Variants in TRIM42 observed in about 807,000 individuals in gnomAD.
TRIM42 encodes tripartite motif containing 42.
In TRIM42, 59 loss-of-function variants were observed where a neutral mutation model predicts 64.9. The observed-to-expected ratio is 0.91, with a 90% confidence interval of 0.74 to 1.13. TRIM42 has a LOEUF of 1.13. Among genes scored for constraint, TRIM42 ranks in the 50% most tolerant of loss-of-function variants. The pLI is 0.00. For synonymous variants in TRIM42, 354 were observed against 346.3 expected, an observed-to-expected ratio of 1.02 and a Z score of -0.25; for missense variants, 878 against 929.5, an observed-to-expected ratio of 0.94 and a Z score of 0.72.
intron 2 of TRIM42, among the ~76,000 whole-genome samples, chr3:140,685,383 C>T (rs1186772129): frequency 1.3e-5 from 2 of 152,132 alleles, no homozygotes; most frequent in South Asian, 2.1e-4. Context: ...CAGCCAAGGT[C>T]GAGAACCACT....
At chr3:140,679,015 T>A (rs1256294866) in intron 1 of TRIM42, among the ~76,000 whole-genome samples, 1 of 151,716 alleles carries the variant, frequency 6.6e-6, no homozygotes, top group Admixed American at 6.6e-5. Flanking sequence ...AAATTTGGGA[T>A]CTTAACTTTA....
chr3:140,697,772 C>T (rs572881938), intron 4 of TRIM42, among the ~76,000 whole-genome samples: 1 of 152,356 alleles, frequency 6.6e-6, no homozygotes, highest in African/African-American at 2.4e-5. Flanking sequence ...CAAGCTCCGC[C>T]TCCTGGGTTC....
At position 140,687,706 on chromosome 3, in the gene TRIM42, C is replaced by T. The variant is rs76809153; in HGVS notation, c.1040-16C>T. 2,237 of 1,581,508 alleles carry T rather than the reference C, an allele frequency of 1.4e-3. 29 individuals carry two copies. The African/African-American group carries it at 0.027, about 19-fold the overall frequency. On this transcript the variant is annotated splice_polypyrimidine_tract_variant and intron_variant, in intron 2 of 4. Coordinates refer to ENST00000286349, the MANE Select transcript of TRIM42 (RefSeq NM_152616.5). ...AGATGAAAATTTTAAAAGTAACTAA[C>T]TTGGCATTTTTGCAGTCCGATATGA...
At chr3:140,690,621 G>T (rs1003900947) in intron 3 of TRIM42, among the ~76,000 whole-genome samples, 2 of 141,714 alleles carry the variant, frequency 1.4e-5, no homozygotes, top group African/African-American at 2.7e-5. Context: ...AAATTGCAAA[G>T]AAATAATAAT....
chr3:140,682,755 G>A lies in TRIM42; in HGVS notation c.635G>A (p.Gly212Glu). 6.2e-7 allele frequency: 1 copy of A among 1,613,088 alleles called. No homozygotes were observed. Among genetic ancestry groups the A allele is most frequent in the Non-Finnish European group, 8.5e-7 (1 of 1,180,028 alleles). Residue 212 changes from glycine (G) to glutamate (E), a missense_variant, in exon 2 of 5, where the codon GGG becomes GAG. Transcript: ENST00000286349. Reference protein sequence around the residue: ...KMQLPENYLHGRLTKRYMQEH... With the variant: ...KMQLPENYLHERLTKRYMQEH... ...CAGCTGCCCGAGAACTACCTGCACG[G>A]GCGTCTCACCAAGCGCTACATGCAG...
rs757466289 is a variant in TRIM42, at chr3:140,691,041, C to T, written c.1934C>T (p.Pro645Leu). 3.1e-6 allele frequency: 5 copies of T among 1,614,098 alleles called. No individual in the cohort carries two copies. The highest frequency in any genetic ancestry group is 1.6e-4 in the Middle Eastern group (1 of 6,062). Residue 645 changes from proline to leucine, a missense_variant, in exon 4 of 5, where the codon CCT (proline) becomes CTT (leucine). By Grantham distance (98) the Pro-to-Leu change is moderately conservative (BLOSUM62 -3). Transcript: ENST00000286349. ...MEFYEVITSP[P>L]NNVQMELCGQ... ...TTCTATGAAGTCATTACTTCTCCTC[C>T]TAACAACGTACAAATGGAGCTCTGT...
chr3:140,700,115 A>G (rs991328457), intron 4 of TRIM42, among the ~76,000 whole-genome samples: 3 of 151,778 alleles, frequency 2.0e-5, no homozygotes, highest in Non-Finnish European at 4.4e-5. Context: ...ATTTGGGGGG[A>G]AGGAATGGGA....
chr3:140,695,964 A>C (rs188992023), intron 4 of TRIM42, among the ~76,000 whole-genome samples: 1 of 152,300 alleles, frequency 6.6e-6, no homozygotes, highest in Admixed American at 6.5e-5. Context: ...GTGACCTTTC[A>C]TGTAAGCAGA....
chr3:140,689,620 C>T (rs1205600672), intron 3 of TRIM42, among the ~76,000 whole-genome samples: 1 of 151,976 alleles, frequency 6.6e-6, no homozygotes, highest in Non-Finnish European at 1.5e-5. Flanking sequence ...TTTACTTTTC[C>T]ATTCTCCTGA....
At chr3:140,687,479 T>A (rs1988574286) in intron 2 of TRIM42, among the ~76,000 whole-genome samples, 1 of 152,144 alleles carries the variant, frequency 6.6e-6, no homozygotes, top group African/African-American at 2.4e-5. Flanking sequence ...CCATAGGGAT[T>A]ACTGTTACAA....
chr3:140,686,373 G>C (rs1330840737), intron 2 of TRIM42, among the ~76,000 whole-genome samples: 1 of 152,180 alleles, frequency 6.6e-6, no homozygotes, highest in Non-Finnish European at 1.5e-5. Context: ...TGTGAGGAAG[G>C]AGGTGGCAAG....
Position 140,687,858 on chromosome 3 carries a change from G to T in TRIM42, c.1176G>T (p.Lys392Asn). 1 of 1,614,208 alleles carries T rather than the reference G, an allele frequency of 6.2e-7. No homozygotes were observed. Among genetic ancestry groups the T allele is most frequent in the Non-Finnish European group, 8.5e-7 (1 of 1,180,042 alleles). Residue 392 changes from lysine (K) to asparagine (N), a missense_variant, in exon 3 of 5, where the codon AAG becomes AAT. Lys to Asn is a moderately conservative substitution (Grantham distance 94). Coordinates refer to ENST00000286349, the MANE Select transcript of TRIM42 (RefSeq NM_152616.5). The stretch of plus-strand genomic sequence containing the variant: ...GCAGCATTCTTCAGGAGAAAGAGAA[G>T]ATCATCATGGAGCAGATAGAGAATC... ...KLRSILQEKE[K>N]IIMEQIENLE... is the part of the protein sequence containing the mutation.
intron 2 of TRIM42, 126 bp downstream of exon 2, chr3:140,683,285 G>A: frequency 1.0e-6 from 1 of 987,988 alleles, no homozygotes; most frequent in Non-Finnish European, 1.5e-6. Context: ...CAAGGCACCA[G>A]GAAACACTGT....
chr3:140,679,876 C>T (rs1988320719), intron 1 of TRIM42, among the ~76,000 whole-genome samples: 1 of 150,972 alleles, frequency 6.6e-6, no homozygotes, highest in Non-Finnish European at 1.5e-5. Flanking sequence ...ATGCCTGATC[C>T]CCACCCCCCC....
At chr3:140,688,908 A>G (rs1418400198) in intron 3 of TRIM42, among the ~76,000 whole-genome samples, 1 of 152,260 alleles carries the variant, frequency 6.6e-6, no homozygotes, top group Non-Finnish European at 1.5e-5. Context: ...TGTAATAGAG[A>G]CAGCACAGAA....
Position 140,678,225 on chromosome 3 carries a change from G to A in TRIM42, c.-5G>A. ...TGGGAGGCCGGTGGTAATCATGTAG[G>A]CACCATGGAAACTGCTATGTGCGTT... On this transcript the variant is annotated 5_prime_UTR_variant, in exon 1 of 5. Transcript: ENST00000286349. 6.2e-7 allele frequency: 1 copy of A among 1,611,540 alleles called. No individual in the cohort carries two copies. Among genetic ancestry groups the A allele is most frequent in the Non-Finnish European group, 8.5e-7 (1 of 1,177,936 alleles).
intron 4 of TRIM42, 38 bp downstream of exon 4, chr3:140,691,230 C>T: frequency 6.4e-7 from 1 of 1,557,710 alleles, no homozygotes; most frequent in Non-Finnish European, 8.9e-7. Context: ...ATTTTTTTTT[C>T]TATGGTAGGT....
In TRIM42 at chr3:140,678,149, T is replaced by C; in HGVS notation, c.-81T>C. 1 of 1,317,572 alleles carries C rather than the reference T, an allele frequency of 7.6e-7. No individual in the cohort carries two copies. Among genetic ancestry groups the C allele is most frequent in the Non-Finnish European group, 1.1e-6 (1 of 934,526 alleles). The allele number at this position is 1,317,572 out of a possible 1,614,324, so 81.6% of individuals were successfully genotyped here. ...CCTCAGGAATGGGAGGAAGGACTCC[T>C]CCACTGGAGAACTGATAGCAGTATT... On this transcript the variant is annotated 5_prime_UTR_variant, in exon 1 of 5. Transcript: ENST00000286349.
At chr3:140,688,633 T>C in intron 3 of TRIM42, 91 bp downstream of exon 3, 1 of 1,012,648 alleles carries the variant, frequency 9.9e-7, no homozygotes, top group Admixed American at 2.4e-5. Flanking sequence ...CTTACCTCTT[T>C]GACCTCTAGG....
Sources: allele counts gnomAD v4.1 joint callset (sites outside exome capture counted in the v4.1 genomes callset), GRCh38; gene constraint gnomAD v4.1.1; transcripts MANE v1.5; gene names NCBI Gene and HGNC (gene_info 2026-07-23, HGNC 2026-07-21).